The following TRIML2 variants were observed in gnomAD, a reference collection of about 807,000 sequenced individuals.
TRIML2 encodes the protein tripartite motif family like 2.
TRIML2 carries 28 observed loss-of-function variants against 31.2 expected under a neutral mutation model. That is an observed-to-expected ratio of 0.90 (90% CI 0.66 to 1.23). The LOEUF (loss-of-function observed/expected upper bound fraction) is 1.23. TRIML2 is among the 50% of genes most tolerant of loss of function. The pLI, the probability that TRIML2 is intolerant of heterozygous loss-of-function variation, is 0.00. For synonymous variants in TRIML2, 187 were observed against 197.5 expected (o/e 0.95, Z 0.45); for missense variants, 536 against 528.3 (o/e 1.01, Z -0.14).
intron 5 of TRIML2, chr4:188,098,165 C>A (rs1170182249): frequency 1.3e-5 from 4 of 315,750 alleles, no homozygotes; most frequent in South Asian, 2.3e-5. Flanking sequence ...TGAAAGGCAA[C>A]GTATGTTACT....
chr4:188,098,186 C>A, intron 5 of TRIML2: 1 of 404,726 alleles, frequency 2.5e-6, no homozygotes, highest in South Asian at 1.7e-5. Context: ...ATACAAAATT[C>A]AAAATATGCA....
chr4:188,101,015 C>A, intron 4 of TRIML2, 41 bp downstream of exon 4: 12 of 1,529,290 alleles, frequency 7.8e-6, no homozygotes, highest in Non-Finnish European at 1.1e-5. Flanking sequence ...TCTTCTTTTT[C>A]TCATTTCTCA....
In TRIML2 at chr4:188,091,874, C is replaced by T; in HGVS notation, c.813G>A (p.Met271Ile). The T allele has an allele frequency of 6.2e-7, 1 of 1,614,098 alleles. No individual in the cohort carries two copies. Among genetic ancestry groups the T allele is most frequent in the East Asian group, 2.2e-5 (1 of 44,872 alleles). The change falls in exon 8 of 8, where the codon ATG (methionine) becomes ATA (isoleucine). Residue 271 changes from methionine to isoleucine, a missense_variant. Coordinates refer to ENST00000682553, the MANE Select transcript of TRIML2 (RefSeq NM_173553.4). The part of the protein sequence containing the change: ...CLALSEDLRT[M>I]RLRHGQQDGA... Reference sequence around the variant, plus strand: ...CATCCTGCTGCCCATGTCTCAATCTCATAGTTCTCAGGTCCTCAGATAGTG... The same window carrying T: ...CATCCTGCTGCCCATGTCTCAATCTTATAGTTCTCAGGTCCTCAGATAGTG...
chr4:188,092,028 CT>C, intron 7 of TRIML2, 87 bp from the exon 8 acceptor site: 1 of 1,392,096 alleles, frequency 7.2e-7, no homozygotes. Flanking sequence ...GGGCTTCCCA[CT>C]GAGTGGGCAC....
At chr4:188,102,960 G>A (rs1319017787) in intron 3 of TRIML2, among the ~76,000 whole-genome samples, 1 of 147,292 alleles carries the variant, frequency 6.8e-6, no homozygotes, top group Non-Finnish European at 1.5e-5. Context: ...CCTAATTATT[G>A]CAAGTCCCTT....
At position 188,091,318 on chromosome 4, in the gene TRIML2, G is replaced by A; in HGVS notation, c.*55C>T. On this transcript the variant is annotated 3_prime_UTR_variant, in exon 8 of 8. Coordinates refer to ENST00000682553, the MANE Select transcript of TRIML2 (RefSeq NM_173553.4). ...GTTAGTTTACACAAATTCTTTCAAA[G>A]TCTTGTTCTCCAACTTTCTGGTGTC... The A allele has an allele frequency of 1.3e-6, 2 of 1,528,770 alleles. No individual in the cohort carries two copies. The highest frequency in any genetic ancestry group is 2.3e-5 in the East Asian group (1 of 44,118). The allele number at this position is 1,528,770 out of a possible 1,614,324, so 94.7% of individuals were successfully genotyped here.
At chr4:188,101,299 C>G in intron 3 of TRIML2, 49 bp from the exon 4 acceptor site, 3 of 1,159,772 alleles carry the variant, frequency 2.6e-6, no homozygotes, top group Non-Finnish European at 3.8e-6. Context: ...GATAGATTAA[C>G]AACACACACA....
chr4:188,091,958 C>T lies in TRIML2; in HGVS notation c.746-17G>A. ...TTAAATGTCCTATCAGGAGAGAAAACCCTCGTTAACCTAGGAGTTCACCAA... is the reference window on the plus strand; with the variant it reads ...TTAAATGTCCTATCAGGAGAGAAAATCCTCGTTAACCTAGGAGTTCACCAA... On this transcript the variant is annotated splice_polypyrimidine_tract_variant and intron_variant, in intron 7 of 7. Coordinates refer to ENST00000682553, the MANE Select transcript of TRIML2 (RefSeq NM_173553.4). The T allele has an allele frequency of 6.3e-7, 1 of 1,593,258 alleles. No homozygotes were observed. The highest frequency in any genetic ancestry group is 8.5e-7 in the Non-Finnish European group (1 of 1,172,798).
In TRIML2 at chr4:188,091,863, T is replaced by A. The variant is rs1204842501; in HGVS notation, c.824A>T (p.His275Leu). ...SEDLRTMRLR[H>L]GQQDGAGNPE... ...GTTGCCAGCCCCATCCTGCTGCCCA[T>A]GTCTCAATCTCATAGTTCTCAGGTC... Residue 275 changes from histidine to leucine, a missense_variant, in exon 8 of 8, where the codon CAT (histidine) becomes CTT (leucine). Coordinates refer to ENST00000682553, the MANE Select transcript of TRIML2 (RefSeq NM_173553.4). 2 of 1,614,128 alleles carry A rather than the reference T, an allele frequency of 1.2e-6. No individual in the cohort carries two copies. Among genetic ancestry groups the A allele is most frequent in the Admixed American group, 1.7e-5 (1 of 60,014 alleles).
At chr4:188,101,715 A>T (rs1422413477) in intron 3 of TRIML2, among the ~76,000 whole-genome samples, 3 of 151,992 alleles carry the variant, frequency 2.0e-5, no homozygotes, top group Non-Finnish European at 4.4e-5. Flanking sequence ...AAACAAAAAA[A>T]GACGAGGAAA....
intron 5 of TRIML2, chr4:188,098,736 T>C: frequency 3.0e-6 from 1 of 331,554 alleles, no homozygotes; most frequent in Non-Finnish European, 5.6e-6. Flanking sequence ...TTTTATTCTT[T>C]ATGATCACAG....
chr4:188,098,850 C>A, intron 5 of TRIML2, 185 bp downstream of exon 5: 1 of 640,084 alleles, frequency 1.6e-6, no homozygotes, highest in Non-Finnish European at 2.6e-6. Flanking sequence ...AGCAGCTCCA[C>A]ACTATCCCAC....
intron 4 of TRIML2, among the ~76,000 whole-genome samples, chr4:188,100,835 T>C (rs1182756183): frequency 6.6e-6 from 1 of 152,208 alleles, no homozygotes; most frequent in Non-Finnish European, 1.5e-5. Flanking sequence ...CATAATACAG[T>C]AATATGTGTA....
At chr4:188,102,055 G>C (rs1579179986) in intron 3 of TRIML2, among the ~76,000 whole-genome samples, 1 of 151,152 alleles carries the variant, frequency 6.6e-6, no homozygotes, top group South Asian at 2.1e-4. Flanking sequence ...GCGTGAACCC[G>C]GGAGGTGGAG....
chr4:188,107,736 A>C (rs1409133851), intron 1 of TRIML2, among the ~76,000 whole-genome samples: 1 of 152,100 alleles, frequency 6.6e-6, no homozygotes, highest in Non-Finnish European at 1.5e-5. Context: ...TTTTGCTGTG[A>C]AGTCTATGTT....
chr4:188,105,433 T>A lies in TRIML2; in HGVS notation c.-65A>T. On this transcript the variant is annotated 5_prime_UTR_variant, in exon 2 of 8. Transcript: ENST00000682553. ...TCTACTGAGGTATCTCCCTGCACTG[T>A]GAATGAGAAAAAATGGTGGCTTCCT... is the stretch of plus-strand genomic sequence containing the variant. 1 of 1,232,294 alleles carries A rather than the reference T, an allele frequency of 8.1e-7. No individual in the cohort carries two copies. The highest frequency in any genetic ancestry group is 1.1e-6 in the Non-Finnish European group (1 of 929,958). The allele number at this position is 1,232,294 out of a possible 1,614,324, so 76.3% of individuals were successfully genotyped here. A position where few individuals can be genotyped will look rare whatever the true frequency, so the allele number is the denominator to read the frequency against.
chr4:188,094,531 G>A (rs1421362101), intron 7 of TRIML2, among the ~76,000 whole-genome samples: 3 of 152,202 alleles, frequency 2.0e-5, no homozygotes, highest in East Asian at 1.9e-4. Flanking sequence ...TTAAAATACC[G>A]TTTACAGTGG....
At chr4:188,105,003 C>A in intron 2 of TRIML2, 71 bp from the exon 3 acceptor site, 1 of 1,447,282 alleles carries the variant, frequency 6.9e-7, no homozygotes. Context: ...CCTTAAACAG[C>A]CAACAACTCT....
In TRIML2 at chr4:188,091,728, A is replaced by T; in HGVS notation, c.959T>A (p.Ile320Lys). 6.2e-7 allele frequency: 1 copy of T among 1,614,024 alleles called. No homozygotes were observed. Residue 320 changes from isoleucine to lysine, a missense_variant, in exon 8 of 8, where the codon ATA becomes AAA. Physicochemically the swap from Ile to Lys is moderately radical, Grantham distance 102. Transcript: ENST00000682553. ...VEKATRWQVG[I>K]YHGSADAKGS... The stretch of plus-strand genomic sequence containing the variant: ...CTTCGCGTCTGCAGAGCCGTGGTAT[A>T]TGCCCACTTGCCACCTGGTTGCCTT...
Sources: allele counts gnomAD v4.1 joint callset (sites outside exome capture counted in the v4.1 genomes callset), GRCh38; gene constraint gnomAD v4.1.1; transcripts MANE v1.5; gene names NCBI Gene and HGNC (gene_info 2026-07-23, HGNC 2026-07-21).